NYX: variants seen among roughly 807,000 people sequenced by gnomAD.
NYX encodes leucine-rich repeat protein.
For synonymous variants in NYX, 258 were observed against 245.7 expected (o/e 1.05, Z -0.47); for missense variants, 481 against 485.4 (o/e 0.99, Z 0.09).
In NYX at chrX:41,449,310, A is replaced by G. The variant is rs190780623; in HGVS notation, c.22+1384A>G. 2.0e-3 allele frequency among the ~76,000 whole-genome samples: 222 copies of G among 111,789 alleles called. 1 individual carries two copies. The highest frequency in any genetic ancestry group is 6.8e-3 in the African/African-American group (211 of 30,863). On this transcript the variant is annotated intron_variant, in intron 2 of 2. Coordinates refer to ENST00000378220, the MANE Select transcript of NYX (RefSeq NM_001378477.3). ...TTATTCCACCTTTTCAAAAACCGGA[A>G]CTTGCTCTGTTCAGTCAACCAACAG...
chrX:41,475,044 C>T lies in NYX; in HGVS notation c.*145C>T, dbSNP rs923893223. On this transcript the variant is annotated 3_prime_UTR_variant, in exon 3 of 3. Transcript: ENST00000378220. ...CCTCCAGAGATGGCCCCAGGGAGAA[C>T]ACAGGGACGTGCCACTCGAGGGGGA... 1.0e-4 allele frequency: 54 copies of T among 531,195 alleles called. No individual in the cohort carries two copies. The Middle Eastern group carries it at 2.4e-3, about 23-fold the overall frequency. 43.8% of individuals were successfully genotyped at this position (531,195 alleles called of 1,213,427 possible). A position where few individuals can be genotyped will look rare whatever the true frequency, so the allele number is the denominator to read the frequency against.
chrX:41,456,151 A>G (rs772654293), intron 2 of NYX, among the ~76,000 whole-genome samples: 5 of 111,378 alleles, frequency 4.5e-5, no homozygotes, highest in Non-Finnish European at 7.5e-5. Flanking sequence ...AGCCTGATCA[A>G]CATGGTGGAA....
intron 2 of NYX, among the ~76,000 whole-genome samples, chrX:41,450,858 G>GTTTTT (rs2064277672): frequency 1.5e-5 from 1 of 67,276 alleles, no homozygotes; most frequent in Non-Finnish European, 2.8e-5. Context: ...TTTTTTTTGG[G>GTTTTT]TATTTTTAGT....
At chrX:41,459,078 G>A (rs1035219580) in intron 2 of NYX, among the ~76,000 whole-genome samples, 13 of 110,648 alleles carry the variant, frequency 1.2e-4, no homozygotes, top group African/African-American at 4.0e-4. Flanking sequence ...GCGAGACTCC[G>A]TCTCAAACAA....
intron 2 of NYX, among the ~76,000 whole-genome samples, chrX:41,470,694 C>CAAAAAAAAAAAAAAAA (rs554668854): frequency 1.7e-5 from 1 of 57,377 alleles, no homozygotes; most frequent in African/African-American, 6.9e-5. Context: ...GACTCTGTCT[C>CAAAAAAAAAAAAAAAA]AAAAAAAAAA....
At chrX:41,472,134 T>C in intron 2 of NYX, 1 of 381,800 alleles carries the variant, frequency 2.6e-6, no homozygotes, top group Non-Finnish European at 4.6e-6. Context: ...CAGACTTCCT[T>C]AAAGCTTGGC....
chrX:41,456,149 C>A (rs767435225), intron 2 of NYX, among the ~76,000 whole-genome samples: 2 of 111,302 alleles, frequency 1.8e-5, no homozygotes, highest in African/African-American at 3.3e-5. Flanking sequence ...CCAGCCTGAT[C>A]AACATGGTGG....
chrX:41,464,750 G>T (rs2064332702), intron 2 of NYX, among the ~76,000 whole-genome samples: 1 of 108,760 alleles, frequency 9.2e-6, no homozygotes, highest in Non-Finnish European at 1.9e-5. Context: ...TTTGGAAACT[G>T]TCATCAACTA....
Position 41,474,522 on chromosome X carries a change from G to A in NYX, c.1054G>A (p.Val352Ile). Reference protein sequence around the residue: ...LRDWMEGSGRVTDVPCASPGS... With the variant: ...LRDWMEGSGRITDVPCASPGS... ...GGACTGGATGGAGGGCTCCGGACGT[G>A]TCACCGACGTGCCGTGCGCCTCCCC... Residue 352 changes from valine to isoleucine, a missense_variant, in exon 3 of 3, where the codon GTC becomes ATC. By Grantham distance (29) the Val-to-Ile change is conservative. Transcript: ENST00000378220. 8.3e-7 allele frequency: 1 copy of A among 1,205,664 alleles called. No homozygotes were observed. Among genetic ancestry groups the A allele is most frequent in the Non-Finnish European group, 1.1e-6 (1 of 893,891 alleles).
Position 41,472,454 on chromosome X carries a change from A to G in NYX, c.23-1037A>G, listed in dbSNP as rs773773418. 2.2e-4 allele frequency: 217 copies of G among 976,306 alleles called. 1 individual carries two copies. Among genetic ancestry groups the G allele is most frequent in the Non-Finnish European group, 3.1e-4 (211 of 688,812 alleles). 80.5% of individuals were successfully genotyped at this position (976,306 alleles called of 1,213,427 possible). ...ACTCACCATGGCCAGCAGGCCGCGGAGGTAACGATCCCGAAGGGCGGCTCG... is the reference window on the plus strand; with the variant it reads ...ACTCACCATGGCCAGCAGGCCGCGGGGGTAACGATCCCGAAGGGCGGCTCG... On this transcript the variant is annotated intron_variant, in intron 2 of 2. Coordinates refer to ENST00000378220, the MANE Select transcript of NYX (RefSeq NM_001378477.3).
chrX:41,472,465 C>A, intron 2 of NYX: 1 of 896,147 alleles, frequency 1.1e-6, no homozygotes. Context: ...GGTAACGATC[C>A]CGAAGGGCGG....
intron 2 of NYX, among the ~76,000 whole-genome samples, chrX:41,458,552 C>T (rs778326364): frequency 2.7e-5 from 3 of 110,636 alleles, no homozygotes; most frequent in Non-Finnish European, 5.7e-5. Context: ...CTCTGCCACT[C>T]GGGTTCAAGT....
intron 2 of NYX, among the ~76,000 whole-genome samples, chrX:41,461,075 G>A (rs2064317713): frequency 9.5e-6 from 1 of 105,109 alleles, no homozygotes; most frequent in Non-Finnish European, 1.9e-5. Context: ...GGTTACATGA[G>A]TAAGTTCTTT....
chrX:41,451,183 G>A (rs2064278893), intron 2 of NYX, among the ~76,000 whole-genome samples: 1 of 111,728 alleles, frequency 9.0e-6, no homozygotes, highest in South Asian at 3.7e-4. Context: ...TGGTGAGAAT[G>A]TGGAGTAACT....
chrX:41,447,902 G>T lies in NYX; in HGVS notation c.-3G>T, dbSNP rs1182474633. On this transcript the variant is annotated 5_prime_UTR_variant, in exon 2 of 3. It adds an upstream start codon to the 5' untranslated region. Transcript: ENST00000378220. ...AGCCACTGGGTGGATGAAAGGCCGAGGGATGTTGGTCCTGCTTCTGCATGG... is the reference window on the plus strand; with the variant it reads ...AGCCACTGGGTGGATGAAAGGCCGATGGATGTTGGTCCTGCTTCTGCATGG... 1.7e-6 allele frequency: 2 copies of T among 1,211,199 alleles called. No individual in the cohort carries two copies. The highest frequency in any genetic ancestry group is 3.5e-5 in the South Asian group (2 of 56,866).
chrX:41,474,681 G>A lies in NYX; in HGVS notation c.1213G>A (p.Val405Met). Residue 405 changes from valine (V) to methionine (M), a missense_variant, in exon 3 of 3, where the codon GTG becomes ATG. Val to Met is a conservative substitution (Grantham distance 21, BLOSUM62 1). Coordinates refer to ENST00000378220, the MANE Select transcript of NYX (RefSeq NM_001378477.3). ...GTCCCCAGAACCAGCGGCCACCACCGTGAGCAGGTTCAGCAGCCTCCTCTC... is the reference window on the plus strand; with the variant it reads ...GTCCCCAGAACCAGCGGCCACCACCATGAGCAGGTTCAGCAGCCTCCTCTC... ...GPSPEPAATT[V>M]SRFSSLLSKL... The A allele has an allele frequency of 1.7e-6, 2 of 1,199,251 alleles. No homozygotes were observed. The highest frequency in any genetic ancestry group is 3.6e-5 in the South Asian group (2 of 55,018).
At chrX:41,461,655 T>C (rs2064320502) in intron 2 of NYX, among the ~76,000 whole-genome samples, 2 of 111,273 alleles carry the variant, frequency 1.8e-5, no homozygotes, top group Non-Finnish European at 3.8e-5. Context: ...ACCAGCAGTG[T>C]AGAAGTGTTC....
At chrX:41,449,324 G>C (rs2064270872) in intron 2 of NYX, among the ~76,000 whole-genome samples, 1 of 111,670 alleles carries the variant, frequency 9.0e-6, no homozygotes, top group Non-Finnish European at 1.9e-5. Context: ...GCTCTGTTCA[G>C]TCAACCAACA....
chrX:41,474,698 CCTCCTCTCCAAGCTG>C lies in NYX; in HGVS notation c.1233_1247del (p.Leu412_Leu416del). Reference sequence around the variant, plus strand: ...CCACCACCGTGAGCAGGTTCAGCAGCCTCCTCTCCAAGCTGCTGGCCCCGAGGGTCCCGGTGGAGG... The same window carrying C: ...CCACCACCGTGAGCAGGTTCAGCAGCCTGGCCCCGAGGGTCCCGGTGGAGG... On this transcript the variant is annotated inframe_deletion, in exon 3 of 3. Transcript: ENST00000378220. 3.3e-6 allele frequency: 4 copies of C among 1,199,169 alleles called. No homozygotes were observed. The highest frequency in any genetic ancestry group is 4.5e-6 in the Non-Finnish European group (4 of 890,341).
Sources: allele counts gnomAD v4.1 joint callset (sites outside exome capture counted in the v4.1 genomes callset), GRCh38; gene constraint gnomAD v4.1.1; transcripts MANE v1.5; gene names NCBI Gene and HGNC (gene_info 2026-07-23, HGNC 2026-07-21).